WDR25: variants seen among roughly 807,000 people sequenced by gnomAD.
WDR25 encodes the protein WD repeat domain 25, also known as WD repeat-containing protein 25.
In WDR25, 35 loss-of-function variants were observed where a neutral mutation model predicts 47.7. The observed-to-expected ratio is 0.73, with a 90% confidence interval of 0.56 to 0.97. WDR25 has a LOEUF of 0.97. WDR25 is among the 50% of genes least tolerant of loss of function. The probability of loss-of-function intolerance (pLI) is 0.00; values close to 1 mark genes in which losing one functional copy is unlikely to be tolerated. For synonymous variants in WDR25, 248 were observed against 278.9 expected (o/e 0.89, Z 1.10); for missense variants, 634 against 704.7 (o/e 0.90, Z 1.14).
chr14:100,504,771 A>G (rs1901057012), intron 4 of WDR25: 1 of 152,134 alleles, frequency 6.6e-6, no homozygotes, highest in Non-Finnish European at 1.5e-5. Flanking sequence ...GGTGTAGTAT[A>G]TATATATTTA....
intron 2 of WDR25, among the ~76,000 whole-genome samples, chr14:100,433,866 C>T (rs898511898): frequency 2.6e-5 from 4 of 152,112 alleles, no homozygotes; most frequent in Non-Finnish European, 4.4e-5. Flanking sequence ...TCTTTTCCTG[C>T]CCCAGTCCTA....
At chr14:100,453,676 AC>A (rs760919584) in intron 2 of WDR25, among the ~76,000 whole-genome samples, 139 of 152,236 alleles carry the variant, frequency 9.1e-4, no homozygotes, top group Non-Finnish European at 1.8e-3. Flanking sequence ...CAGGCTCTGC[AC>A]CTGCTGGGGG....
In WDR25 at chr14:100,496,828, C is replaced by CTTTTTTTTTTTTTTTTTTTTTTTTT. The variant is rs1226765543; in HGVS notation, c.1101+12728_1101+12729insTTTTTTTTTTTTTTTTTTTTTTTTT. On this transcript the variant is annotated intron_variant, in intron 4 of 6. Coordinates refer to ENST00000402312, the MANE Select transcript of WDR25 (RefSeq NM_001161476.3). The stretch of plus-strand genomic sequence containing the variant: ...TTTCTTTTTCTTTTTTTCTTTAATT[C>CTTTTTTTTTTTTTTTTTTTTTTTTT]TTTTTTTTTTTTTTTTTTTTTTTTG... Among the ~76,000 whole-genome samples, 6 of 73,422 alleles carry CTTTTTTTTTTTTTTTTTTTTTTTTT rather than the reference C, an allele frequency of 8.2e-5. 2 individuals carry two copies. The highest frequency in any genetic ancestry group is 2.0e-4 in the African/African-American group (4 of 20,076). 48.2% of individuals were successfully genotyped at this position (73,422 alleles called of 152,430 possible).
chr14:100,409,173 C>T lies in WDR25; in HGVS notation c.822+27427C>T, dbSNP rs367918235. ...GCCGTTTTCTGTCTCATGACTGGGCCTTCTCACAGGGCTGCCTTTGAGCTT... is the reference window on the plus strand; with the variant it reads ...GCCGTTTTCTGTCTCATGACTGGGCTTTCTCACAGGGCTGCCTTTGAGCTT... On this transcript the variant is annotated intron_variant, in intron 2 of 6. Transcript: ENST00000402312. Among the ~76,000 whole-genome samples, 293 of 152,294 alleles carry T rather than the reference C, an allele frequency of 1.9e-3. 2 individuals are homozygous for T. The highest frequency in any genetic ancestry group is 6.8e-3 in the African/African-American group (284 of 41,558).
intron 2 of WDR25, among the ~76,000 whole-genome samples, chr14:100,421,752 C>T (rs1898033080): frequency 6.6e-6 from 1 of 152,154 alleles, no homozygotes; most frequent in Non-Finnish European, 1.5e-5. Context: ...TTATGAATGA[C>T]ATAAATAATA....
Position 100,381,719 on chromosome 14 carries a change from C to G in WDR25, c.795C>G (p.Leu265=). 6.2e-7 allele frequency: 1 copy of G among 1,608,432 alleles called. No homozygotes were observed. Among genetic ancestry groups the G allele is most frequent in the South Asian group, 1.1e-5 (1 of 90,676 alleles). The change falls in exon 2 of 7, where the codon CTC becomes CTG. Residue 265 remains leucine (L), a synonymous_variant. Transcript: ENST00000402312. ...TCCTTTCTAAGAGCCACATGCTTCT[C>G]TCCACTTCTATGGATAAAACTTTCA... The part of the protein sequence containing the change: ...CPVLSKSHML[L]STSMDKTFKV...
intron 2 of WDR25, among the ~76,000 whole-genome samples, chr14:100,446,620 A>T (rs549789291): frequency 6.6e-6 from 1 of 152,268 alleles, no homozygotes; most frequent in African/African-American, 2.4e-5. Flanking sequence ...AATACCAATC[A>T]TAATTCACTT....
intron 4 of WDR25, among the ~76,000 whole-genome samples, chr14:100,489,003 T>G (rs1900477104): frequency 6.6e-6 from 1 of 152,204 alleles, no homozygotes; most frequent in South Asian, 2.1e-4. Context: ...GATAGAGGCC[T>G]GCAGGAGCAC....
At chr14:100,520,725 A>G (rs1352513216) in intron 4 of WDR25, among the ~76,000 whole-genome samples, 1 of 152,172 alleles carries the variant, frequency 6.6e-6, no homozygotes. Context: ...TAGGGACTCT[A>G]GCTCTGGCTG....
intron 2 of WDR25, among the ~76,000 whole-genome samples, chr14:100,452,017 A>G (rs549977336): frequency 6.6e-6 from 1 of 152,164 alleles, no homozygotes; most frequent in Non-Finnish European, 1.5e-5. Flanking sequence ...CATCCATCCA[A>G]CTATCCATCC....
intron 2 of WDR25, among the ~76,000 whole-genome samples, chr14:100,389,829 T>C (rs974777063): frequency 6.6e-6 from 1 of 152,162 alleles, no homozygotes. Context: ...CTCGCCAGGA[T>C]TGGGGCACTG....
At chr14:100,415,746 C>A (rs1387822353) in intron 2 of WDR25, among the ~76,000 whole-genome samples, 1 of 152,184 alleles carries the variant, frequency 6.6e-6, no homozygotes, top group Non-Finnish European at 1.5e-5. Context: ...ACTGGTGCAG[C>A]AGTGTTACCC....
chr14:100,390,940 C>T (rs976735476), intron 2 of WDR25, among the ~76,000 whole-genome samples: 2 of 152,206 alleles, frequency 1.3e-5, no homozygotes, highest in Non-Finnish European at 2.9e-5. Context: ...CGGGCCGGCA[C>T]TTCGTTCATT....
intron 2 of WDR25, among the ~76,000 whole-genome samples, chr14:100,413,154 G>C (rs1897758670): frequency 6.6e-6 from 1 of 152,152 alleles, no homozygotes; most frequent in Non-Finnish European, 1.5e-5. Context: ...TTTTAAAAAG[G>C]TAAATTAACT....
At chr14:100,441,376 G>C (rs368799257) in intron 2 of WDR25, among the ~76,000 whole-genome samples, 4 of 152,156 alleles carry the variant, frequency 2.6e-5, no homozygotes, top group Admixed American at 6.5e-5. Flanking sequence ...CACTGCCTAG[G>C]GGGTGGGGTG....
At position 100,455,864 on chromosome 14, in the gene WDR25, C is replaced by A. The variant is rs367571827; in HGVS notation, c.823-12157C>A. On this transcript the variant is annotated intron_variant, in intron 2 of 6. Transcript: ENST00000402312. Reference sequence around the variant, plus strand: ...TATCTATGACACAGTGGCTCACCCACAAAACAAATATTTGGGTCTCCTCAC... The same window carrying A: ...TATCTATGACACAGTGGCTCACCCAAAAAACAAATATTTGGGTCTCCTCAC... 1.6e-4 allele frequency among the ~76,000 whole-genome samples: 24 copies of A among 152,266 alleles called. No homozygotes were observed. The East Asian group carries it at 2.3e-3, about 15-fold the overall frequency.
In WDR25 at chr14:100,468,084, C is replaced by T. The variant is rs529381627; in HGVS notation, c.886C>T (p.Arg296Trp). The change falls in exon 3 of 7, where the codon CGG (arginine) becomes TGG (tryptophan). Residue 296 changes from arginine (R) to tryptophan (W), a missense_variant. Transcript: ENST00000402312. The surrounding 1 kb of genome is among the most constrained non-coding windows in gnomAD (Gnocchi z 4.5). ...QTYSLHTEAV[R>W]AARWAPCGRR... ...CTACTCCCTGCACACAGAGGCAGTGCGGGCCGCCCGGTGGGCTCCCTGTGG... is the reference window on the plus strand; with the variant it reads ...CTACTCCCTGCACACAGAGGCAGTGTGGGCCGCCCGGTGGGCTCCCTGTGG... The T allele has an allele frequency of 2.0e-5, 33 of 1,613,424 alleles. No individual in the cohort carries two copies. Among genetic ancestry groups the T allele is most frequent in the African/African-American group, 4.0e-5 (3 of 75,046 alleles).
chr14:100,520,568 C>T (rs894441249), intron 4 of WDR25, among the ~76,000 whole-genome samples: 43 of 152,236 alleles, frequency 2.8e-4, no homozygotes, highest in Non-Finnish European at 5.1e-4. Context: ...TAGCCACCAT[C>T]CTATGTGATT....
rs981781512 is a variant in WDR25, at chr14:100,424,254, C to T, written c.822+42508C>T. Among the ~76,000 whole-genome samples, 4 of 152,204 alleles carry T rather than the reference C, an allele frequency of 2.6e-5. No homozygotes were observed. The highest frequency in any genetic ancestry group is 4.4e-5 in the Non-Finnish European group (3 of 68,030). ...GGGAGCTGAGTTTCAGAGCCTGTGG[C>T]GTTTTCACACCATGTTCTAGGTGCC... On this transcript the variant is annotated intron_variant, in intron 2 of 6. Coordinates refer to ENST00000402312, the MANE Select transcript of WDR25 (RefSeq NM_001161476.3). The surrounding 1 kb of genome is among the most constrained non-coding windows in gnomAD (Gnocchi z 4.2).
Sources: allele counts gnomAD v4.1 joint callset (sites outside exome capture counted in the v4.1 genomes callset), GRCh38; gene constraint gnomAD v4.1.1; non-coding constraint Gnocchi (gnomAD v3.1); transcripts MANE v1.5; gene names NCBI Gene and HGNC (gene_info 2026-07-23, HGNC 2026-07-21).